Variants in PDZRN4 observed in about 807,000 individuals in gnomAD.
PDZRN4 encodes PDZ domain containing ring finger 4.
PDZRN4 carries 70 observed loss-of-function variants against 99.0 expected under a neutral mutation model. The ratio of observed to expected loss-of-function variants is 0.71; its 90% confidence interval spans 0.58 to 0.86. PDZRN4 has a LOEUF of 0.86. Among genes scored for constraint, PDZRN4 ranks in the 40% least tolerant of loss-of-function variants. The pLI, the probability that PDZRN4 is intolerant of heterozygous loss-of-function variation, is 0.00. For missense variants in PDZRN4, 1,474 were observed against 1,331.2 expected (o/e 1.11, Z -1.67); for synonymous variants, 551 against 501.6 (o/e 1.10, Z -1.32).
intron 3 of PDZRN4, among the ~76,000 whole-genome samples, chr12:41,393,327 T>C (rs951582352): frequency 2.0e-4 from 30 of 152,180 alleles, no homozygotes; most frequent in African/African-American, 7.2e-4. Flanking sequence ...TAGATTTATT[T>C]AAAAGGTTTG....
rs1323515603 is a variant in PDZRN4, at chr12:41,567,758, A to C, written c.1468-25A>C. Reference sequence around the variant, plus strand: ...ACATGAGTTCTCACTAACATAATATAATGTACTAATGTATTCTTTTGCAGC... The same window carrying C: ...ACATGAGTTCTCACTAACATAATATCATGTACTAATGTATTCTTTTGCAGC... On this transcript the variant is annotated intron_variant, in intron 8 of 9. Transcript: ENST00000402685. 9 of 1,433,846 alleles carry C rather than the reference A, an allele frequency of 6.3e-6. No homozygotes were observed. In the South Asian group the frequency reaches 1.1e-4, roughly 17 times the overall value. 88.8% of individuals were successfully genotyped at this position (1,433,846 alleles called of 1,614,324 possible). A position where few individuals can be genotyped will look rare whatever the true frequency, so the allele number is the denominator to read the frequency against.
intron 3 of PDZRN4, among the ~76,000 whole-genome samples, chr12:41,431,523 C>T (rs1204172080): frequency 6.6e-6 from 1 of 152,166 alleles, no homozygotes; most frequent in East Asian, 1.9e-4. Context: ...AGGTCTGTTA[C>T]CTTATTTCGT....
chr12:41,293,520 G>A (rs1248498320), intron 3 of PDZRN4, among the ~76,000 whole-genome samples: 1 of 151,918 alleles, frequency 6.6e-6, no homozygotes, highest in East Asian at 2.0e-4. Context: ...GAATGTCAGA[G>A]CAAAGTGCCA....
chr12:41,416,674 G>A (rs1952448112), intron 3 of PDZRN4, among the ~76,000 whole-genome samples: 1 of 151,966 alleles, frequency 6.6e-6, no homozygotes, highest in South Asian at 2.1e-4. Context: ...AAAAGAAAAT[G>A]GTCTTTTACT....
At chr12:41,558,507 C>T (rs1939207909) in intron 7 of PDZRN4, among the ~76,000 whole-genome samples, 2 of 152,146 alleles carry the variant, frequency 1.3e-5, no homozygotes, top group South Asian at 4.1e-4. Context: ...AAATTTCATT[C>T]ATTTGTTCTG....
At chr12:41,544,613 G>A (rs2120777360) in intron 5 of PDZRN4, among the ~76,000 whole-genome samples, 1 of 151,570 alleles carries the variant, frequency 6.6e-6, no homozygotes, top group South Asian at 2.1e-4. Flanking sequence ...ACAATAAACA[G>A]GTATTTTAAA....
chr12:41,349,425 T>C (rs1469040712), intron 3 of PDZRN4, among the ~76,000 whole-genome samples: 1 of 151,952 alleles, frequency 6.6e-6, no homozygotes, highest in Non-Finnish European at 1.5e-5. Flanking sequence ...TTTGAGATTA[T>C]TATAGGCACC....
chr12:41,396,842 G>GTGAT (rs1252025988), intron 3 of PDZRN4, among the ~76,000 whole-genome samples: 1 of 152,102 alleles, frequency 6.6e-6, no homozygotes, highest in African/African-American at 2.4e-5. Flanking sequence ...TTGAAGCAAA[G>GTGAT]TGATTTCTTC....
rs149738196 is a variant in PDZRN4 at position 41,466,313 on chromosome 12, C to G, written c.844-40143C>G. 3.6e-3 allele frequency among the ~76,000 whole-genome samples: 552 copies of G among 152,254 alleles called. 2 individuals are homozygous for G. The highest frequency in any genetic ancestry group is 0.013 in the African/African-American group (521 of 41,544). ...TGTTATATTAAGGCAATTTCTACAC[C>G]TAGGTTAGGCATTAATACCGCCATT... On this transcript the variant is annotated intron_variant, in intron 3 of 9. Transcript: ENST00000402685.
In PDZRN4 at chr12:41,394,138, T is replaced by C. The variant is rs78098521; in HGVS notation, c.844-112318T>C. Among the ~76,000 whole-genome samples the C allele has an allele frequency of 3.8e-3, 578 of 152,240 alleles. 19 individuals carry two copies. In the East Asian group the frequency reaches 0.091, roughly 24 times the overall value. The stretch of plus-strand genomic sequence containing the variant: ...TGCAGACAGCTGTCTTCTCATTGCA[T>C]CCTCACATGGTGGAAATATGGTGAG... On this transcript the variant is annotated intron_variant, in intron 3 of 9. Transcript: ENST00000402685.
Position 41,263,033 on chromosome 12 carries a change from T to C in PDZRN4, c.843+68845T>C, listed in dbSNP as rs369226257. The stretch of plus-strand genomic sequence containing the variant: ...ACTATTTAATAAAATTTACATGGTA[T>C]AGATTACCTCATGCTTAAGGTAACT... On this transcript the variant is annotated intron_variant, in intron 3 of 9. Transcript: ENST00000402685. Among the ~76,000 whole-genome samples, 23 of 152,260 alleles carry C rather than the reference T, an allele frequency of 1.5e-4. 1 individual carries two copies. The South Asian group carries it at 3.9e-3, about 26-fold the overall frequency.
chr12:41,465,055 C>A (rs1242324355), intron 3 of PDZRN4, among the ~76,000 whole-genome samples: 3 of 152,066 alleles, frequency 2.0e-5, no homozygotes, highest in Non-Finnish European at 4.4e-5. Context: ...AAACTCCTGA[C>A]CTCCAGTGAT....
intron 3 of PDZRN4, among the ~76,000 whole-genome samples, chr12:41,203,532 T>G (rs1327274976): frequency 2.0e-5 from 3 of 152,052 alleles, no homozygotes; most frequent in Non-Finnish European, 4.4e-5. Flanking sequence ...TTATTGGTTA[T>G]TATATGTCAA....
intron 3 of PDZRN4, among the ~76,000 whole-genome samples, chr12:41,199,011 AG>A (rs1950797213): frequency 6.6e-6 from 1 of 152,206 alleles, no homozygotes; most frequent in African/African-American, 2.4e-5. Context: ...CACTCTGCAT[AG>A]TCAGAATGCA....
Position 41,496,964 on chromosome 12 carries a change from T to C in PDZRN4, c.844-9492T>C, listed in dbSNP as rs114920310. Among the ~76,000 whole-genome samples the C allele has an allele frequency of 1.8e-3, 269 of 152,252 alleles. 3 individuals carry two copies. Among genetic ancestry groups the C allele is most frequent in the African/African-American group, 6.1e-3 (254 of 41,570 alleles). On this transcript the variant is annotated intron_variant, in intron 3 of 9. Transcript: ENST00000402685. ...GGGTATAATGAACCTCTGGTGAAGA[T>C]ACTTTACCATCTTCTTTCCCGTTAT...
chr12:41,433,617 C>T (rs543434759), intron 3 of PDZRN4, among the ~76,000 whole-genome samples: 9 of 152,246 alleles, frequency 5.9e-5, no homozygotes, highest in African/African-American at 1.4e-4. Flanking sequence ...GGTAATCAAG[C>T]GGAGTTACGT....
chr12:41,364,239 T>C (rs1448171387), intron 3 of PDZRN4, among the ~76,000 whole-genome samples: 3 of 152,102 alleles, frequency 2.0e-5, no homozygotes, highest in African/African-American at 7.2e-5. Context: ...TTTTTAAATG[T>C]ACCCTTCCCA....
At chr12:41,249,663 G>A (rs1345109145) in intron 3 of PDZRN4, among the ~76,000 whole-genome samples, 1 of 152,126 alleles carries the variant, frequency 6.6e-6, no homozygotes, top group East Asian at 1.9e-4. Context: ...GCATAACGAT[G>A]GATTTATCAT....
intron 3 of PDZRN4, among the ~76,000 whole-genome samples, chr12:41,295,329 A>T (rs997791505): frequency 1.3e-5 from 2 of 152,200 alleles, no homozygotes; most frequent in Non-Finnish European, 2.9e-5. Flanking sequence ...ATTGTCATCA[A>T]ATCAAAAATA....
Sources: gnomAD v4.1 joint callset for allele counts (sites outside exome capture counted in the v4.1 genomes callset) on GRCh38, gnomAD v4.1.1 for gene constraint, MANE v1.5 for transcripts, NCBI Gene and HGNC (gene_info 2026-07-23, HGNC 2026-07-21) for gene names.